The following NRG3 variants were observed in gnomAD, a reference collection of about 807,000 sequenced individuals.
NRG3 encodes pro-neuregulin-3, membrane-bound isoform.
NRG3 carries 31 observed loss-of-function variants against 66.9 expected under a neutral mutation model. That is an observed-to-expected ratio of 0.46 (90% CI 0.35 to 0.63). The LOEUF (loss-of-function observed/expected upper bound fraction) is 0.63, where lower values mean the gene tolerates loss of function less well. Ranked by LOEUF, NRG3 falls within the 20% of genes least tolerant of loss-of-function variation. The pLI, the probability that NRG3 is intolerant of heterozygous loss-of-function variation, is 0.00. For missense variants in NRG3, 910 were observed against 878.9 expected (o/e 1.04, Z -0.45); for synonymous variants, 393 against 359.4 (o/e 1.09, Z -1.06).
intron 1 of NRG3, among the ~76,000 whole-genome samples, chr10:82,010,509 G>A (rs1325761096): frequency 6.6e-6 from 1 of 152,156 alleles, no homozygotes; most frequent in Non-Finnish European, 1.5e-5. Flanking sequence ...CTTTTGTGAA[G>A]CTTATTAATA....
intron 3 of NRG3, chr10:82,859,311 G>A (rs961112648): frequency 1.3e-5 from 2 of 152,146 alleles, no homozygotes; most frequent in African/African-American, 4.8e-5. Context: ...ATATCCCATA[G>A]ACCAGGGTTT....
chr10:81,928,242 AACCCCAGCAGCAGGTT>A (rs1476186337), intron 1 of NRG3, among the ~76,000 whole-genome samples: 1 of 152,186 alleles, frequency 6.6e-6, no homozygotes, highest in Non-Finnish European at 1.5e-5. Flanking sequence ...ATTTGTCCTT[AACCCCAGCAGCAGGTT>A]ACCACCACTT....
At chr10:81,961,842 A>G (rs1277017306) in intron 1 of NRG3, among the ~76,000 whole-genome samples, 1 of 152,256 alleles carries the variant, frequency 6.6e-6, no homozygotes, top group African/African-American at 2.4e-5. Context: ...CACAAGAAGC[A>G]CTGTCAACTC....
At chr10:82,647,145 C>G (rs554993752) in intron 2 of NRG3, among the ~76,000 whole-genome samples, 1 of 152,060 alleles carries the variant, frequency 6.6e-6, no homozygotes, top group East Asian at 1.9e-4. Context: ...CTAATGCTAT[C>G]CCTCCCCACT....
intron 1 of NRG3, among the ~76,000 whole-genome samples, chr10:82,301,075 A>G (rs956168168): frequency 5.9e-5 from 9 of 152,234 alleles, no homozygotes; most frequent in African/African-American, 2.2e-4. Flanking sequence ...TCTTGCAGCA[A>G]GTAATTTGGA....
chr10:82,782,818 G>A (rs553331732), intron 3 of NRG3, among the ~76,000 whole-genome samples: 83 of 152,180 alleles, frequency 5.5e-4, no homozygotes, highest in African/African-American at 1.7e-3. Context: ...AAACTATTCC[G>A]ATCAATAGAA....
At position 82,085,257 on chromosome 10, in the gene NRG3, A is replaced by G. The variant is rs2065648962; in HGVS notation, c.823+209094A>G. ...GGACGCATCATCTGTCCACGTGAGG[A>G]ACAATGGAGGAGACCATAATACTCT... is the stretch of plus-strand genomic sequence containing the variant. On this transcript the variant is annotated intron_variant, in intron 1 of 8. Transcript: ENST00000372141. Among the ~76,000 whole-genome samples, 3 of 152,158 alleles carry G rather than the reference A, an allele frequency of 2.0e-5. No individual in the cohort carries two copies. The South Asian group carries it at 6.2e-4, about 31-fold the overall frequency.
At chr10:81,923,268 C>T (rs985685205) in intron 1 of NRG3, among the ~76,000 whole-genome samples, 5 of 150,014 alleles carry the variant, frequency 3.3e-5, no homozygotes, top group Admixed American at 6.7e-5. Flanking sequence ...TGCGGTGGCG[C>T]GATCTCGGCT....
At chr10:82,838,007 C>T (rs181021642) in intron 3 of NRG3, among the ~76,000 whole-genome samples, 1 of 152,082 alleles carries the variant, frequency 6.6e-6, no homozygotes, top group African/African-American at 2.4e-5. Flanking sequence ...ATGTTATCAT[C>T]CAGGAGGAGC....
chr10:82,973,898 G>C lies in NRG3; in HGVS notation c.1395G>C (p.Gln465His), dbSNP rs773307291. 6.2e-7 allele frequency: 1 copy of C among 1,614,028 alleles called. No individual in the cohort carries two copies. Among genetic ancestry groups the C allele is most frequent in the Non-Finnish European group, 8.5e-7 (1 of 1,179,962 alleles). ...TCCCTTCTCCTGACAGAGGAAGCCAGTCTGTCAAACACCACAGGTACAAGT... is the reference window on the plus strand; with the variant it reads ...TCCCTTCTCCTGACAGAGGAAGCCACTCTGTCAAACACCACAGGTACAAGT... ...PEVPSPDRGS[Q>H]SVKHHRSLSS... The change falls in exon 7 of 9, where the codon CAG becomes CAC. Residue 465 changes from glutamine (Q) to histidine (H), a missense_variant. By Grantham distance (24) the Gln-to-His change is conservative. Coordinates refer to ENST00000372141, the MANE Select transcript of NRG3 (RefSeq NM_001010848.4).
intron 1 of NRG3, among the ~76,000 whole-genome samples, chr10:81,916,840 C>T (rs987493477): frequency 2.6e-5 from 4 of 152,024 alleles, no homozygotes; most frequent in East Asian, 1.9e-4. Flanking sequence ...AACTCATGTT[C>T]GCCAATGTTT....
At chr10:82,037,613 A>T (rs2132964082) in intron 1 of NRG3, among the ~76,000 whole-genome samples, 1 of 152,282 alleles carries the variant, frequency 6.6e-6, no homozygotes, top group East Asian at 1.9e-4. Context: ...GTCTAACAGC[A>T]TTGGCAGGAT....
chr10:82,759,469 G>A (rs1024462552), intron 3 of NRG3, among the ~76,000 whole-genome samples: 1 of 152,132 alleles, frequency 6.6e-6, no homozygotes, highest in African/African-American at 2.4e-5. Flanking sequence ...ACTCTAAACA[G>A]AGACATTAAC....
intron 2 of NRG3, among the ~76,000 whole-genome samples, chr10:82,683,132 G>A (rs1164988935): frequency 6.6e-6 from 1 of 151,594 alleles, no homozygotes; most frequent in Non-Finnish European, 1.5e-5. Context: ...CTAATTTTTT[G>A]TATTTTTAGT....
chr10:81,943,303 C>T (rs1848556446), intron 1 of NRG3, among the ~76,000 whole-genome samples: 1 of 152,104 alleles, frequency 6.6e-6, no homozygotes, highest in South Asian at 2.1e-4. Flanking sequence ...ACTACTTGTG[C>T]CCAGGACTTT....
intron 2 of NRG3, among the ~76,000 whole-genome samples, chr10:82,562,151 A>G (rs1410565718): frequency 6.6e-6 from 1 of 152,194 alleles, no homozygotes; most frequent in Non-Finnish European, 1.5e-5. Context: ...GTGCTAAATT[A>G]TGTGCACAGT....
chr10:82,814,335 A>G (rs926054489), intron 3 of NRG3, among the ~76,000 whole-genome samples: 2 of 152,248 alleles, frequency 1.3e-5, no homozygotes, highest in African/African-American at 4.8e-5. Context: ...TCATTAATTT[A>G]CATTAAAGAG....
At chr10:81,928,157 T>A (rs1307775176) in intron 1 of NRG3, among the ~76,000 whole-genome samples, 2 of 152,216 alleles carry the variant, frequency 1.3e-5, no homozygotes, top group Non-Finnish European at 2.9e-5. Context: ...TGTGAAACAG[T>A]TTATCTGCTG....
chr10:82,592,337 T>C (rs139663544), intron 2 of NRG3, among the ~76,000 whole-genome samples: 55 of 152,214 alleles, frequency 3.6e-4, no homozygotes, highest in African/African-American at 1.3e-3. Context: ...AAGAAGAGAA[T>C]ATGAATTGAG....
Sources: gnomAD v4.1 joint callset for allele counts (sites outside exome capture counted in the v4.1 genomes callset) on GRCh38, gnomAD v4.1.1 for gene constraint, MANE v1.5 for transcripts, NCBI Gene and HGNC (gene_info 2026-07-23, HGNC 2026-07-21) for gene names.